The following NKAIN3 variants were observed in gnomAD, a reference collection of about 807,000 sequenced individuals.
The protein encoded by NKAIN3 is sodium/potassium transporting ATPase interacting 3.
A neutral mutation model predicts 30.2 loss-of-function variants in NKAIN3; 25 were observed. The observed-to-expected ratio is 0.83, with a 90% CI of 0.60 to 1.16. The LOEUF is 1.16. NKAIN3 is among the 50% of genes most tolerant of loss of function. The pLI, the probability that NKAIN3 is intolerant of heterozygous loss-of-function variation, is 0.00. For synonymous variants in NKAIN3, 91 were observed against 89.6 expected, an observed-to-expected ratio of 1.02 and a Z score of -0.09; for missense variants, 225 against 254.1, an observed-to-expected ratio of 0.89 and a Z score of 0.78.
chr8:62,336,237 A>G (rs531731178), intron 1 of NKAIN3, among the ~76,000 whole-genome samples: 2 of 152,164 alleles, frequency 1.3e-5, no homozygotes, highest in African/African-American at 4.8e-5. Context: ...GCTTAGAAAC[A>G]GAAAATTTCT....
chr8:62,332,934 C>T (rs903198347), intron 1 of NKAIN3, among the ~76,000 whole-genome samples: 4 of 151,994 alleles, frequency 2.6e-5, no homozygotes, highest in East Asian at 1.9e-4. Context: ...AATGAGGTTG[C>T]GGCGACAGTG....
chr8:62,607,098 G>A (rs1363305346), intron 3 of NKAIN3, among the ~76,000 whole-genome samples: 1 of 152,158 alleles, frequency 6.6e-6, no homozygotes, highest in Non-Finnish European at 1.5e-5. Flanking sequence ...AATGAAGTTA[G>A]CCATACAGGG....
intron 4 of NKAIN3, among the ~76,000 whole-genome samples, chr8:62,775,000 T>C (rs1817143532): frequency 6.6e-6 from 1 of 152,128 alleles, no homozygotes; most frequent in South Asian, 2.1e-4. Context: ...CTTTAAATGG[T>C]TGGTAAAATT....
At chr8:62,925,163 A>C (rs547681368) in intron 5 of NKAIN3, among the ~76,000 whole-genome samples, 27 of 152,200 alleles carry the variant, frequency 1.8e-4, no homozygotes, top group Admixed American at 1.4e-3. Context: ...CTTACTTTTT[A>C]ATTAATTGCA....
intron 1 of NKAIN3, among the ~76,000 whole-genome samples, chr8:62,327,431 A>G (rs1006947580): frequency 1.3e-5 from 2 of 152,056 alleles, no homozygotes; most frequent in African/African-American, 4.8e-5. Context: ...GTTTTCTTCT[A>G]AGAATTTCAT....
At chr8:62,745,649 A>G (rs1446024084) in intron 3 of NKAIN3, among the ~76,000 whole-genome samples, 1 of 152,240 alleles carries the variant, frequency 6.6e-6, no homozygotes. Flanking sequence ...ACTAAAGGGC[A>G]TCTCTTAAGG....
intron 3 of NKAIN3, among the ~76,000 whole-genome samples, chr8:62,729,138 A>C (rs1815387352): frequency 6.6e-6 from 1 of 151,904 alleles, no homozygotes; most frequent in East Asian, 1.9e-4. Context: ...TATTTGATAA[A>C]AGAGTGTTGT....
At chr8:62,882,459 A>G (rs986701559) in intron 4 of NKAIN3, among the ~76,000 whole-genome samples, 1 of 152,074 alleles carries the variant, frequency 6.6e-6, no homozygotes, top group Non-Finnish European at 1.5e-5. Flanking sequence ...CTAGCATTAT[A>G]GGCATCCATC....
chr8:62,776,980 C>T (rs1817211134), intron 4 of NKAIN3, among the ~76,000 whole-genome samples: 1 of 152,122 alleles, frequency 6.6e-6, no homozygotes, highest in Admixed American at 6.6e-5. Flanking sequence ...ATATACTCTT[C>T]TATGGTGAAA....
chr8:62,511,435 C>T (rs13280307), intron 1 of NKAIN3, among the ~76,000 whole-genome samples: 14,184 of 152,198 alleles, frequency 0.093, 717 homozygotes, highest in African/African-American at 0.13. Context: ...GAATAGTCTT[C>T]TTATCCACCT....
At chr8:62,333,239 T>C (rs1393506824) in intron 1 of NKAIN3, among the ~76,000 whole-genome samples, 2 of 152,064 alleles carry the variant, frequency 1.3e-5, no homozygotes, top group African/African-American at 4.8e-5. Flanking sequence ...AATTTTGAAT[T>C]TGTGGTTCAT....
intron 1 of NKAIN3, among the ~76,000 whole-genome samples, chr8:62,530,273 A>T (rs974455441): frequency 6.6e-6 from 1 of 152,112 alleles, no homozygotes; most frequent in Non-Finnish European, 1.5e-5. Context: ...ATGATGTAAT[A>T]AATATATTTC....
intron 1 of NKAIN3, among the ~76,000 whole-genome samples, chr8:62,541,034 G>A (rs182555826): frequency 6.6e-6 from 1 of 152,146 alleles, no homozygotes; most frequent in African/African-American, 2.4e-5. Context: ...AGCCAACCAG[G>A]CTCAGTGGCT....
rs138778385 is a variant in NKAIN3, at chr8:62,305,146, G to A, written c.54+56019G>A. Among the ~76,000 whole-genome samples the A allele has an allele frequency of 8.6e-3, 1,296 of 149,950 alleles. 31 individuals carry two copies. The highest frequency in any genetic ancestry group is 0.036 in the Admixed American group (543 of 15,186). On this transcript the variant is annotated intron_variant, in intron 1 of 6. Coordinates refer to ENST00000623646, the MANE Select transcript of NKAIN3 (RefSeq NM_001304533.3). ...TGTGTGGTTACATTTATCATAGCATGTTACTCACCATTCATTATATAATAC... is the reference window on the plus strand; with the variant it reads ...TGTGTGGTTACATTTATCATAGCATATTACTCACCATTCATTATATAATAC...
chr8:62,884,800 C>A (rs1161041497), intron 4 of NKAIN3, among the ~76,000 whole-genome samples: 1 of 151,492 alleles, frequency 6.6e-6, no homozygotes, highest in African/African-American at 2.4e-5. Flanking sequence ...CTTTTTGATG[C>A]CTATGGATGT....
At chr8:62,901,042 G>T (rs956990317) in intron 4 of NKAIN3, among the ~76,000 whole-genome samples, 1 of 152,180 alleles carries the variant, frequency 6.6e-6, no homozygotes, top group South Asian at 2.1e-4. Context: ...GAGAATAGAG[G>T]TGAATTATTT....
intron 3 of NKAIN3, among the ~76,000 whole-genome samples, chr8:62,714,960 A>G (rs1010426060): frequency 2.6e-5 from 4 of 152,232 alleles, no homozygotes; most frequent in Non-Finnish European, 5.9e-5. Flanking sequence ...TAATTTTTAA[A>G]GAAAAGAGGT....
intron 1 of NKAIN3, among the ~76,000 whole-genome samples, chr8:62,380,108 ATGTTAACATTGTTAACATGTATTTG>A (rs1817225280): frequency 6.6e-6 from 1 of 152,240 alleles, no homozygotes; most frequent in African/African-American, 2.4e-5. Context: ...CATGTATTGT[ATGTTAACATTGTTAACATGTATTTG>A]TTTGAAATAG....
intron 5 of NKAIN3, among the ~76,000 whole-genome samples, chr8:62,925,298 A>G (rs1186287424): frequency 6.6e-6 from 1 of 152,174 alleles, no homozygotes; most frequent in Non-Finnish European, 1.5e-5. Context: ...AGTGGAGAAA[A>G]TGCTTGTCTT....
Sources: allele counts gnomAD v4.1 joint callset (sites outside exome capture counted in the v4.1 genomes callset), GRCh38; gene constraint gnomAD v4.1.1; transcripts MANE v1.5; gene names NCBI Gene and HGNC (gene_info 2026-07-23, HGNC 2026-07-21).